Variants in DACH2 observed in about 807,000 individuals in gnomAD.
The protein encoded by DACH2 is dachshund family transcription factor 2.
DACH2 carries 17 observed loss-of-function variants against 35.8 expected under a neutral mutation model. The ratio of observed to expected loss-of-function variants is 0.48; its 90% CI spans 0.33 to 0.71. The LOEUF (loss-of-function observed/expected upper bound fraction) is 0.71, where lower values mean the gene tolerates loss of function less well. Among genes scored for constraint, DACH2 ranks in the 30% least tolerant of loss-of-function variants. DACH2 has a pLI of 0.02. For synonymous variants in DACH2, 195 were observed against 177.3 expected (o/e 1.10, Z -0.79); for missense variants, 469 against 472.7 (o/e 0.99, Z 0.07).
chrX:86,240,782 G>A (rs892762248), intron 1 of DACH2, among the ~76,000 whole-genome samples: 3 of 110,233 alleles, frequency 2.7e-5, no homozygotes, highest in Admixed American at 9.7e-5. Context: ...TTTCCCCCTT[G>A]CTGTTCTCAT....
At chrX:86,257,764 C>T (rs1469586971) in intron 1 of DACH2, among the ~76,000 whole-genome samples, 2 of 112,292 alleles carry the variant, frequency 1.8e-5, no homozygotes, top group Non-Finnish European at 3.8e-5. Flanking sequence ...CTGATTATTG[C>T]AGTCTAATTA....
intron 3 of DACH2, among the ~76,000 whole-genome samples, chrX:86,609,484 T>TTAATGTTTGGTCTC (rs1212957519): frequency 1.8e-5 from 2 of 112,455 alleles, no homozygotes; most frequent in East Asian, 5.6e-4. Context: ...TTTAATTCAA[T>TTAATGTTTGGTCTC]TTGTGAGTTA....
intron 2 of DACH2, among the ~76,000 whole-genome samples, chrX:86,421,862 C>T (rs374401728): frequency 1.8e-5 from 2 of 110,670 alleles, no homozygotes; most frequent in East Asian, 2.8e-4. Context: ...GGCAACAAGA[C>T]CTGCTTAGTC....
In DACH2 at chrX:86,807,901, G is replaced by C. The variant is rs181254026; in HGVS notation, c.1241-4955G>C. On this transcript the variant is annotated intron_variant, in intron 7 of 11. Transcript: ENST00000373125. ...GCTTTAAGGAAAATTGTTAAATATT[G>C]TTTAGGCCTGTTTTCTCAACACTAA... Among the ~76,000 whole-genome samples, 157 of 111,931 alleles carry C rather than the reference G, an allele frequency of 1.4e-3. 3 individuals carry two copies. The highest frequency in any genetic ancestry group is 0.013 in the Admixed American group (134 of 10,513).
At chrX:86,634,087 C>T (rs145247519) in intron 3 of DACH2, among the ~76,000 whole-genome samples, 66 of 110,831 alleles carry the variant, frequency 6.0e-4, no homozygotes, top group African/African-American at 2.0e-3. Context: ...GCATTTCTTA[C>T]CATGGCTCAG....
intron 2 of DACH2, among the ~76,000 whole-genome samples, chrX:86,409,140 G>C: frequency 9.0e-6 from 1 of 111,168 alleles, no homozygotes; most frequent in Admixed American, 9.6e-5. Context: ...TTTTTTTCTG[G>C]TGATTTGTTA....
chrX:86,362,307 C>G (rs2035750203), intron 1 of DACH2, among the ~76,000 whole-genome samples: 2 of 110,910 alleles, frequency 1.8e-5, no homozygotes, highest in South Asian at 7.4e-4. Flanking sequence ...ATGAGAGCCT[C>G]TTAGTGGCAT....
intron 7 of DACH2, among the ~76,000 whole-genome samples, chrX:86,744,448 G>A (rs1450732554): frequency 8.9e-6 from 1 of 111,755 alleles, no homozygotes; most frequent in Non-Finnish European, 1.9e-5. Context: ...ACTGTGACAA[G>A]TAAGCAGTTT....
chrX:86,192,972 C>T (rs752305758), intron 1 of DACH2, among the ~76,000 whole-genome samples: 7 of 112,002 alleles, frequency 6.2e-5, no homozygotes, highest in Admixed American at 9.5e-5. Flanking sequence ...AAACTGTATA[C>T]ACTATTTGCA....
rs1333671389 is a variant in DACH2 at position 86,738,445 on chromosome X, T to C, written c.1105-1302T>C. 2.7e-5 allele frequency among the ~76,000 whole-genome samples: 3 copies of C among 112,295 alleles called. No individual in the cohort carries two copies. In the South Asian group the frequency reaches 1.1e-3, roughly 41 times the overall value. On this transcript the variant is annotated intron_variant, in intron 6 of 11. Coordinates refer to ENST00000373125, the MANE Select transcript of DACH2 (RefSeq NM_053281.3). ...GACAAATTATTTCTTAATGTTATAA[T>C]GATTAGAATAATGATGTGATTACAG...
At chrX:86,827,799 T>C in intron 11 of DACH2, 1 of 1,163,421 alleles carries the variant, frequency 8.6e-7, no homozygotes, top group Non-Finnish European at 1.2e-6. Flanking sequence ...CAACTGATCA[T>C]AGGCACGAAT....
intron 1 of DACH2, among the ~76,000 whole-genome samples, chrX:86,350,824 T>C (rs372091608): frequency 6.7e-5 from 2 of 30,042 alleles, no homozygotes; most frequent in Admixed American, 6.1e-4. Flanking sequence ...TCCAGCTTTG[T>C]TCTTTTGGCT....
intron 7 of DACH2, among the ~76,000 whole-genome samples, chrX:86,779,796 G>T (rs2042072301): frequency 8.9e-6 from 1 of 111,860 alleles, no homozygotes; most frequent in African/African-American, 3.2e-5. Flanking sequence ...GATGAGGTTG[G>T]CTCCAAAGTT....
chrX:86,270,582 C>A (rs1230878001), intron 1 of DACH2, among the ~76,000 whole-genome samples: 1 of 111,929 alleles, frequency 8.9e-6, no homozygotes, highest in Non-Finnish European at 1.9e-5. Flanking sequence ...TTTTTAAAAG[C>A]TTTATGAGGT....
At chrX:86,398,420 G>C (rs2036346811) in intron 2 of DACH2, among the ~76,000 whole-genome samples, 1 of 111,474 alleles carries the variant, frequency 9.0e-6, no homozygotes, top group Admixed American at 9.5e-5. Flanking sequence ...GTTATTTCTT[G>C]CCTTCTGCTA....
chrX:86,822,777 G>C (rs191671639), intron 11 of DACH2, among the ~76,000 whole-genome samples: 60 of 111,201 alleles, frequency 5.4e-4, no homozygotes, highest in Admixed American at 5.0e-3. Context: ...AGTTTATAAA[G>C]ATTGGGGTAA....
rs1313420340 is a variant in DACH2, at chrX:86,773,845, C to T, written c.1240+33963C>T. Among the ~76,000 whole-genome samples the T allele has an allele frequency of 6.3e-5, 7 of 111,891 alleles. No homozygotes were observed. The Admixed American group carries it at 6.7e-4, about 11-fold the overall frequency. On this transcript the variant is annotated intron_variant, in intron 7 of 11. Transcript: ENST00000373125. ...TTCCTTTTCCCTTTCTGATCATGCC[C>T]ATTTAACTTTGTGATTCATTCCTAG...
At chrX:86,152,458 A>T (rs1456803603) in intron 1 of DACH2, among the ~76,000 whole-genome samples, 1 of 111,808 alleles carries the variant, frequency 8.9e-6, no homozygotes, top group African/African-American at 3.2e-5. Flanking sequence ...TGTTTCTTTG[A>T]TAGTACTGAA....
intron 2 of DACH2, among the ~76,000 whole-genome samples, chrX:86,401,264 A>C (rs1344489768): frequency 8.9e-6 from 1 of 112,258 alleles, no homozygotes; most frequent in Non-Finnish European, 1.9e-5. Context: ...CCGATTTTCC[A>C]GGTGCCATCT....
Sources: allele counts gnomAD v4.1 joint callset (sites outside exome capture counted in the v4.1 genomes callset), GRCh38; gene constraint gnomAD v4.1.1; transcripts MANE v1.5; gene names NCBI Gene and HGNC (gene_info 2026-07-23, HGNC 2026-07-21).